The following VSNL1 variants were observed in gnomAD, a reference collection of about 807,000 sequenced individuals.
The protein encoded by VSNL1 is visinin-like protein 1.
VSNL1 carries 6 observed loss-of-function variants against 20.4 expected under a neutral mutation model. The ratio of observed to expected loss-of-function variants is 0.29; its 90% CI spans 0.16 to 0.58. The LOEUF is 0.58. Ranked by LOEUF, VSNL1 falls within the 20% of genes least tolerant of loss-of-function variation. The probability of loss-of-function intolerance (pLI) is 0.90; values close to 1 mark genes in which losing one functional copy is unlikely to be tolerated. For missense variants in VSNL1, 100 were observed against 234.5 expected (o/e 0.43, Z 3.75); for synonymous variants, 93 against 86.4 (o/e 1.08, Z -0.42).
chr2:17,591,494 G>A (rs1265675153), intron 1 of VSNL1, among the ~76,000 whole-genome samples: 12 of 152,174 alleles, frequency 7.9e-5, no homozygotes, highest in Non-Finnish European at 5.9e-5. Context: ...TTCTAATTAT[G>A]AGAGGAGAAA....
intron 1 of VSNL1, among the ~76,000 whole-genome samples, chr2:17,579,121 T>A (rs867714290): frequency 3.3e-5 from 5 of 152,058 alleles, no homozygotes; most frequent in African/African-American, 1.2e-4. Flanking sequence ...TCTTTTTTTT[T>A]ATTTTTTTTT....
intron 1 of VSNL1, among the ~76,000 whole-genome samples, chr2:17,561,823 A>G (rs557055956): frequency 3.9e-5 from 6 of 152,316 alleles, no homozygotes; most frequent in African/African-American, 1.4e-4. Context: ...GATTGGGTAA[A>G]TGGTGGTATA....
chr2:17,596,258 T>C (rs1664708311), intron 2 of VSNL1, among the ~76,000 whole-genome samples: 1 of 152,246 alleles, frequency 6.6e-6, no homozygotes, highest in African/African-American at 2.4e-5. Flanking sequence ...ACAGAAGTCA[T>C]AGCAGATGTT....
chr2:17,552,202 AAAAAAAAAAAC>A (rs1402942780), intron 1 of VSNL1, among the ~76,000 whole-genome samples: 1 of 151,294 alleles, frequency 6.6e-6, no homozygotes, highest in Non-Finnish European at 1.5e-5. Flanking sequence ...TCCATCTCAA[AAAAAAAAAAAC>A]AAAAAAAAAC....
Sources: allele counts gnomAD v4.1 joint callset (sites outside exome capture counted in the v4.1 genomes callset), GRCh38; gene constraint gnomAD v4.1.1; transcripts MANE v1.5; gene names NCBI Gene and HGNC (gene_info 2026-07-23, HGNC 2026-07-21).